GRM8: variants seen among roughly 807,000 people sequenced by gnomAD.
GRM8 encodes metabotropic glutamate receptor 8.
In GRM8, 47 loss-of-function variants were observed where a neutral mutation model predicts 87.2. That is an observed-to-expected ratio of 0.54 (90% CI 0.43 to 0.69). The LOEUF (loss-of-function observed/expected upper bound fraction) is 0.69, where lower values mean the gene tolerates loss of function less well. Among genes scored for constraint, GRM8 ranks in the 30% least tolerant of loss-of-function variants. The probability of loss-of-function intolerance (pLI) is 0.00; values close to 1 mark genes in which losing one functional copy is unlikely to be tolerated. For missense variants in GRM8, 1,019 were observed against 1,139.2 expected, an observed-to-expected ratio of 0.89 and a Z score of 1.52; for synonymous variants, 396 against 404.5, an observed-to-expected ratio of 0.98 and a Z score of 0.25.
At chr7:127,056,273 A>G (rs1305210357) in intron 3 of GRM8, among the ~76,000 whole-genome samples, 1 of 152,198 alleles carries the variant, frequency 6.6e-6, no homozygotes, top group East Asian at 1.9e-4. Context: ...TAAGTAAACT[A>G]TTACCTAGAA....
rs192215518 is a variant in GRM8 at position 126,930,273 on chromosome 7, T to C, written c.728-25590A>G. The stretch of plus-strand genomic sequence containing the variant: ...TGTGCCTGTTTTCTCCTTATTTTAA[T>C]GGCAATAGTAGTAGTACTGACCTCA... On this transcript the variant is annotated intron_variant, in intron 3 of 10. Coordinates refer to ENST00000339582, the MANE Select transcript of GRM8 (RefSeq NM_000845.3). Among the ~76,000 whole-genome samples, 28 of 152,340 alleles carry C rather than the reference T, an allele frequency of 1.8e-4. 1 individual carries two copies. The East Asian group carries it at 3.3e-3, about 18-fold the overall frequency.
At chr7:127,002,323 T>C (rs554436705) in intron 3 of GRM8, among the ~76,000 whole-genome samples, 5 of 151,784 alleles carry the variant, frequency 3.3e-5, no homozygotes, top group South Asian at 2.1e-4. Flanking sequence ...ACAAGTAAGC[T>C]GGAATGTGGG....
chr7:127,048,589 T>C (rs1161045524), intron 3 of GRM8, among the ~76,000 whole-genome samples: 2 of 152,176 alleles, frequency 1.3e-5, no homozygotes, highest in Middle Eastern at 3.2e-3. Flanking sequence ...GGATAAGATA[T>C]ATACTATGCC....
chr7:127,114,342 G>A (rs976298179), intron 2 of GRM8, among the ~76,000 whole-genome samples: 1 of 152,156 alleles, frequency 6.6e-6, no homozygotes, highest in Non-Finnish European at 1.5e-5. Context: ...GGAGAGCCAG[G>A]AGTACACTAT....
At chr7:126,528,808 C>T (rs1437853029) in intron 9 of GRM8, among the ~76,000 whole-genome samples, 1 of 152,052 alleles carries the variant, frequency 6.6e-6, no homozygotes, top group Non-Finnish European at 1.5e-5. Context: ...CTCATTACCA[C>T]CTATAGATAC....
At chr7:126,769,282 C>T (rs945867003) in intron 7 of GRM8, among the ~76,000 whole-genome samples, 4 of 152,036 alleles carry the variant, frequency 2.6e-5, no homozygotes, top group African/African-American at 7.2e-5. Flanking sequence ...ATCAGTTTCT[C>T]GTGGCAGTCA....
intron 9 of GRM8, among the ~76,000 whole-genome samples, chr7:126,474,812 T>A (rs898705335): frequency 3.3e-5 from 5 of 152,158 alleles, no homozygotes; most frequent in Admixed American, 6.5e-5. Flanking sequence ...ATCCCTGGGA[T>A]GTAAAGATGG....
chr7:126,496,840 GCCTT>G (rs1808817473), intron 9 of GRM8, among the ~76,000 whole-genome samples: 1 of 151,030 alleles, frequency 6.6e-6, no homozygotes, highest in Non-Finnish European at 1.5e-5. Context: ...TCACAAAAAA[GCCTT>G]TTTAGACATT....
At chr7:126,641,921 C>T (rs1023372522) in intron 7 of GRM8, among the ~76,000 whole-genome samples, 3 of 152,160 alleles carry the variant, frequency 2.0e-5, no homozygotes, top group African/African-American at 7.2e-5. Flanking sequence ...ACACTTTAAC[C>T]TCCTGTCTTC....
At chr7:126,631,167 G>A (rs1563034111) in intron 7 of GRM8, among the ~76,000 whole-genome samples, 1 of 152,024 alleles carries the variant, frequency 6.6e-6, no homozygotes, top group Non-Finnish European at 1.5e-5. Flanking sequence ...TTCTTATGTT[G>A]ATAAACCACT....
intron 2 of GRM8, among the ~76,000 whole-genome samples, chr7:127,117,677 G>T (rs370643717): frequency 9.2e-4 from 140 of 152,274 alleles, no homozygotes; most frequent in African/African-American, 3.3e-3. Context: ...AGCATCATTT[G>T]CTAAGTTACT....
At chr7:127,133,723 A>T (rs914302688) in intron 2 of GRM8, among the ~76,000 whole-genome samples, 5 of 151,450 alleles carry the variant, frequency 3.3e-5, no homozygotes, top group African/African-American at 9.7e-5. Flanking sequence ...AAAAAAAAAA[A>T]AAAAAATTAA....
intron 3 of GRM8, among the ~76,000 whole-genome samples, chr7:127,000,739 G>T (rs928404475): frequency 4.0e-5 from 6 of 151,628 alleles, no homozygotes; most frequent in African/African-American, 1.5e-4. Context: ...TGCTTAATAT[G>T]TACAGAGTTT....
At position 126,473,871 on chromosome 7, in the gene GRM8, C is replaced by T. The variant is rs143849205; in HGVS notation, c.2431-27499G>A. ...ATAAAGGACAGTTACCCTGAACACA[C>T]TCTCTTGCCTGTCACAAGGTAAGAT... On this transcript the variant is annotated intron_variant, in intron 9 of 10. Coordinates refer to ENST00000339582, the MANE Select transcript of GRM8 (RefSeq NM_000845.3). Among the ~76,000 whole-genome samples, 222 of 152,218 alleles carry T rather than the reference C, an allele frequency of 1.5e-3. 3 individuals carry two copies. The East Asian group carries it at 0.036, about 25-fold the overall frequency.
chr7:126,827,744 C>T (rs976536878), intron 6 of GRM8, among the ~76,000 whole-genome samples: 4 of 152,318 alleles, frequency 2.6e-5, no homozygotes, highest in South Asian at 2.1e-4. Flanking sequence ...ACTTCCAACA[C>T]TATGTTGAAA....
At chr7:126,530,468 G>A (rs1814615954) in intron 9 of GRM8, among the ~76,000 whole-genome samples, 1 of 152,236 alleles carries the variant, frequency 6.6e-6, no homozygotes, top group Non-Finnish European at 1.5e-5. Flanking sequence ...GCATCATGAA[G>A]GCATGGGCTG....
At chr7:126,578,600 G>C (rs1795316949) in intron 8 of GRM8, among the ~76,000 whole-genome samples, 1 of 152,146 alleles carries the variant, frequency 6.6e-6, no homozygotes, top group African/African-American at 2.4e-5. Context: ...CAGCCACTAA[G>C]GGAGCAGCAG....
chr7:126,831,813 C>A (rs1795407561), intron 6 of GRM8, among the ~76,000 whole-genome samples: 1 of 152,170 alleles, frequency 6.6e-6, no homozygotes, highest in Admixed American at 6.5e-5. Context: ...GGAGCTGTTC[C>A]TATTCGGCCA....
intron 8 of GRM8, among the ~76,000 whole-genome samples, chr7:126,605,862 T>C (rs75089934): frequency 0.024 from 3,718 of 152,226 alleles, 140 homozygotes; most frequent in African/African-American, 0.085. Flanking sequence ...CAAACCCATA[T>C]ATATATACCT....
Sources: gnomAD v4.1 joint callset for allele counts (sites outside exome capture counted in the v4.1 genomes callset) on GRCh38, gnomAD v4.1.1 for gene constraint, MANE v1.5 for transcripts, NCBI Gene and HGNC (gene_info 2026-07-23, HGNC 2026-07-21) for gene names.